The following PRSS3 variants were observed in gnomAD, a reference collection of about 807,000 sequenced individuals.
PRSS3 encodes the protein serine protease 3, also known as trypsin-3.
PRSS3 carries 14 observed loss-of-function variants against 20.8 expected under a neutral mutation model. That is an observed-to-expected ratio of 0.67 (90% CI 0.44 to 1.05). PRSS3 has a LOEUF of 1.05. PRSS3 is among the 50% of genes least tolerant of loss of function. The pLI is 0.00. For synonymous variants in PRSS3, 91 were observed against 117.6 expected (o/e 0.77, Z 1.46); for missense variants, 237 against 306.4 (o/e 0.77, Z 1.69).
chr9:33,781,428 A>G (rs1469214516), intron 1 of PRSS3, among the ~76,000 whole-genome samples: 1 of 152,258 alleles, frequency 6.6e-6, no homozygotes, highest in African/African-American at 2.4e-5. Flanking sequence ...ATGCAGGAAC[A>G]GAAAACCAAA....
intron 1 of PRSS3, among the ~76,000 whole-genome samples, chr9:33,771,700 A>T (rs1378410439): frequency 7.1e-6 from 1 of 139,952 alleles, no homozygotes; most frequent in Non-Finnish European, 1.5e-5. Flanking sequence ...GAGTGCAGTG[A>T]CATAATCATG....
intron 1 of PRSS3, among the ~76,000 whole-genome samples, chr9:33,763,176 G>A (rs1486288468): frequency 6.6e-6 from 1 of 152,212 alleles, no homozygotes; most frequent in African/African-American, 2.4e-5. Context: ...GAAATAGAAT[G>A]TACTGAAACT....
chr9:33,775,986 G>A (rs1392905994), intron 1 of PRSS3, among the ~76,000 whole-genome samples: 1 of 152,222 alleles, frequency 6.6e-6, no homozygotes, highest in African/African-American at 2.4e-5. Flanking sequence ...TTACAGGCAT[G>A]AGCCACTGCA....
chr9:33,753,605 G>A (rs1378833912), intron 1 of PRSS3, among the ~76,000 whole-genome samples: 4 of 152,176 alleles, frequency 2.6e-5, no homozygotes, highest in South Asian at 2.1e-4. Context: ...AACTGTAGCC[G>A]TTATTATAGT....
upstream of PRSS3, chr9:33,794,848 G>T (rs1460283095): frequency 6.4e-7 from 1 of 1,550,854 alleles, no homozygotes; most frequent in South Asian, 1.2e-5. Context: ...GTGCGCCATT[G>T]GTTTTCCATC....
chr9:33,798,859 C>G, intron 4 of PRSS3, 169 bp from the exon 5 acceptor site: 1 of 1,078,568 alleles, frequency 9.3e-7, no homozygotes, highest in Non-Finnish European at 1.4e-6. Context: ...GAGGGAGGCT[C>G]CCTTGTGCTG....
intron 1 of PRSS3, among the ~76,000 whole-genome samples, chr9:33,773,371 G>A (rs1587381678): frequency 6.6e-6 from 1 of 152,182 alleles, no homozygotes; most frequent in Non-Finnish European, 1.5e-5. Flanking sequence ...CAGCAAATCA[G>A]CCAGGGATTT....
In PRSS3 at chr9:33,750,731, A is replaced by G; in HGVS notation, c.-53+4A>G. On this transcript the variant is annotated splice_donor_region_variant and intron_variant, in intron 1 of 5. Coordinates refer to the PRSS3 transcript ENST00000342836. This position sits in a 1 kb window ranked among gnomAD's most constrained non-coding sequence, Gnocchi z 4.8. ...GGCTGCGAGGCGCTGGGCACAGGTC[A>G]GACGTCAGTACCCGCAGGGGGCTTG... 7.0e-7 allele frequency: 1 copy of G among 1,435,270 alleles called. No individual in the cohort carries two copies. The highest frequency in any genetic ancestry group is 9.1e-7 in the Non-Finnish European group (1 of 1,099,370). The allele number at this position is 1,435,270 out of a possible 1,614,324, so 88.9% of individuals were successfully genotyped here. A position where few individuals can be genotyped will look rare whatever the true frequency, so the allele number is the denominator to read the frequency against.
At chr9:33,790,096 A>C (rs994371579) in intron 1 of PRSS3, among the ~76,000 whole-genome samples, 7 of 152,200 alleles carry the variant, frequency 4.6e-5, no homozygotes, top group African/African-American at 1.7e-4. Flanking sequence ...CTTCCTCAAG[A>C]ATAAGTATGA....
chr9:33,771,639 TTTTTTG>T (rs1418940016), intron 1 of PRSS3, among the ~76,000 whole-genome samples: 8 of 117,344 alleles, frequency 6.8e-5, no homozygotes, highest in African/African-American at 1.2e-4. Context: ...GTTTTTTTGT[TTTTTTG>T]TTTTTTTTTT....
intron 1 of PRSS3, among the ~76,000 whole-genome samples, chr9:33,766,134 G>A (rs747929556): frequency 1.3e-5 from 2 of 151,822 alleles, no homozygotes; most frequent in South Asian, 2.1e-4. Flanking sequence ...GCATACTGGC[G>A]AGCGTTTGTA....
In PRSS3 at chr9:33,798,596, C is replaced by T. The variant is rs751274558; in HGVS notation, c.565C>T (p.Leu189Phe). ...CAACAGCATGTTCTGTGTGGGCTTC[C>T]TTGAGGGAGGCAAGGATTCCTGCCA... ...ITNSMFCVGF[L>F]EGGKDSCQRD... is the part of the protein sequence containing the mutation. Residue 189 changes from leucine to phenylalanine, a missense_variant, in exon 4 of 5, where the codon CTT becomes TTT. Leu to Phe is a conservative substitution (Grantham distance 22). Transcript: ENST00000379405. The T allele has an allele frequency of 6.2e-7, 1 of 1,614,108 alleles. No homozygotes were observed. Among genetic ancestry groups the T allele is most frequent in the East Asian group, 2.2e-5 (1 of 44,884 alleles).
At chr9:33,783,856 C>T (rs1480614542) in intron 1 of PRSS3, among the ~76,000 whole-genome samples, 2 of 146,624 alleles carry the variant, frequency 1.4e-5, no homozygotes, top group East Asian at 4.0e-4. Context: ...CACCACTGCA[C>T]TCCAGCCTGA....
At chr9:33,751,475 A>T (rs1822697302) in intron 1 of PRSS3, among the ~76,000 whole-genome samples, 1 of 152,210 alleles carries the variant, frequency 6.6e-6, no homozygotes, top group Admixed American at 6.5e-5. Context: ...TAGAGGGAAG[A>T]AAGATGTGAG....
At chr9:33,755,173 C>T (rs1053300016) in intron 1 of PRSS3, among the ~76,000 whole-genome samples, 1 of 152,168 alleles carries the variant, frequency 6.6e-6, no homozygotes, top group African/African-American at 2.4e-5. Context: ...TTGAGAAACA[C>T]CGAATGTCGG....
chr9:33,763,573 C>T (rs1823298248), intron 1 of PRSS3, among the ~76,000 whole-genome samples: 2 of 152,032 alleles, frequency 1.3e-5, no homozygotes, highest in African/African-American at 4.8e-5. Flanking sequence ...GTGGCGGGCA[C>T]CTGTAATCCC....
At chr9:33,785,273 G>A (rs1348195049) in intron 1 of PRSS3, among the ~76,000 whole-genome samples, 1 of 138,174 alleles carries the variant, frequency 7.2e-6, no homozygotes, top group Non-Finnish European at 1.5e-5. Context: ...CGCCTCCCGG[G>A]TTCACCCCAT....
intron 4 of PRSS3, chr9:33,798,827 T>G (rs1394455979): frequency 1.9e-6 from 2 of 1,055,112 alleles, no homozygotes. Context: ...GGAGGCTCCC[T>G]GCAGTGCCCC....
chr9:33,755,552 A>G (rs555479086), intron 1 of PRSS3, among the ~76,000 whole-genome samples: 1 of 152,180 alleles, frequency 6.6e-6, no homozygotes, highest in East Asian at 1.9e-4. Flanking sequence ...CTTTCTTTTA[A>G]GTTCCCAATA....
Sources: gnomAD v4.1 joint callset for allele counts (sites outside exome capture counted in the v4.1 genomes callset) on GRCh38, gnomAD v4.1.1 for gene constraint, Gnocchi (gnomAD v3.1) non-coding constraint, MANE v1.5 for transcripts, NCBI Gene and HGNC (gene_info 2026-07-23, HGNC 2026-07-21) for gene names.